The following STARD13 variants were observed in gnomAD, a reference collection of about 807,000 sequenced individuals.
STARD13 encodes the protein stAR-related lipid transfer protein 13.
In STARD13, 62 loss-of-function variants were observed where a neutral mutation model predicts 106.4. The ratio of observed to expected loss-of-function variants is 0.58; its 90% confidence interval spans 0.48 to 0.72. The LOEUF is 0.72. Ranked by LOEUF, STARD13 falls within the 30% of genes least tolerant of loss-of-function variation. The pLI, the probability that STARD13 is intolerant of heterozygous loss-of-function variation, is 0.00. For missense variants in STARD13, 1,387 were observed against 1,424.0 expected (o/e 0.97, Z 0.42); for synonymous variants, 565 against 553.0 (o/e 1.02, Z -0.31).
the STARD13 span, among the ~76,000 whole-genome samples, chr13:33,379,333 A>C: frequency 2.0e-5 from 3 of 152,318 alleles, no homozygotes; most frequent in East Asian, 5.8e-4. Flanking sequence ...ACATTTGCAG[A>C]ATTTTTCATA....
At chr13:33,254,640 A>G (rs957042272) in intron 1 of STARD13, among the ~76,000 whole-genome samples, 21 of 152,144 alleles carry the variant, frequency 1.4e-4, no homozygotes, top group African/African-American at 4.8e-4. Flanking sequence ...CCCGAAACCC[A>G]GGCTCCAGAA....
At chr13:33,529,146 G>A in the STARD13 span, among the ~76,000 whole-genome samples, 1 of 151,928 alleles carries the variant, frequency 6.6e-6, no homozygotes. Context: ...ATTGAATACT[G>A]CAAAAAAAAG....
At chr13:33,492,110 G>C in the STARD13 span, among the ~76,000 whole-genome samples, 1 of 152,080 alleles carries the variant, frequency 6.6e-6, no homozygotes, top group Non-Finnish European at 1.5e-5. Context: ...GGCAGGAGAA[G>C]GAATTTCACA....
intron 8 of STARD13, 46 bp from the exon 9 acceptor site, chr13:33,112,977 A>T (rs1279052026): frequency 6.7e-7 from 1 of 1,483,760 alleles, no homozygotes. Context: ...AGACATAGAA[A>T]GAGCCAGCTG....
chr13:33,595,736 A>G, the STARD13 span, among the ~76,000 whole-genome samples: 1 of 152,178 alleles, frequency 6.6e-6, no homozygotes, highest in African/African-American at 2.4e-5. Flanking sequence ...CAATTTGGAA[A>G]AGTCTTGGGT....
chr13:33,187,481 A>C (rs1006986947), intron 1 of STARD13, among the ~76,000 whole-genome samples: 10 of 152,220 alleles, frequency 6.6e-5, no homozygotes, highest in Admixed American at 6.5e-5. Context: ...CTGATTGGGC[A>C]AACCTGAGAC....
chr13:33,117,391 G>A (rs562401114), intron 8 of STARD13, among the ~76,000 whole-genome samples: 22 of 152,102 alleles, frequency 1.4e-4, no homozygotes, highest in South Asian at 8.3e-4. Context: ...GATTACAGGC[G>A]TGAGCCACCA....
the STARD13 span, among the ~76,000 whole-genome samples, chr13:33,378,873 G>T: frequency 1.3e-5 from 2 of 151,986 alleles, no homozygotes; most frequent in African/African-American, 4.8e-5. Flanking sequence ...ACTTTGGGAG[G>T]CTGAGGCAGG....
At chr13:33,403,419 A>G in the STARD13 span, among the ~76,000 whole-genome samples, 1 of 152,234 alleles carries the variant, frequency 6.6e-6, no homozygotes, top group African/African-American at 2.4e-5. Context: ...TAATTTGAGC[A>G]GAGGCCAAGG....
intron 1 of STARD13, among the ~76,000 whole-genome samples, chr13:33,269,059 T>C (rs1414939328): frequency 6.6e-6 from 1 of 152,170 alleles, no homozygotes; most frequent in Non-Finnish European, 1.5e-5. Flanking sequence ...AAGCGCTTTC[T>C]TTCCTCATTC....
At chr13:33,638,408 G>A in the STARD13 span, among the ~76,000 whole-genome samples, 957 of 152,218 alleles carry the variant, frequency 6.3e-3, 12 homozygotes, top group African/African-American at 0.022. Flanking sequence ...CAGAAAAGCA[G>A]GACACCTGGA....
At chr13:33,453,686 AACAACATTTTTAG>A in the STARD13 span, among the ~76,000 whole-genome samples, 54 of 152,356 alleles carry the variant, frequency 3.5e-4, no homozygotes, top group African/African-American at 9.6e-4. Context: ...AACATAGTTT[AACAACATTTTTAG>A]ACAAAACACA....
chr13:33,370,369 ACT>A, the STARD13 span, among the ~76,000 whole-genome samples: 1 of 151,890 alleles, frequency 6.6e-6, no homozygotes, highest in African/African-American at 2.4e-5. Flanking sequence ...TACATCTCTC[ACT>A]CTCAGCAGGG....
chr13:33,563,534 A>G, the STARD13 span, among the ~76,000 whole-genome samples: 13 of 147,568 alleles, frequency 8.8e-5, 2 homozygotes, highest in African/African-American at 3.3e-4. Flanking sequence ...TACACAAAAT[A>G]ATGAAACTAG....
the STARD13 span, among the ~76,000 whole-genome samples, chr13:33,634,721 GCA>G: frequency 1.2e-4 from 18 of 147,564 alleles, no homozygotes; most frequent in Admixed American, 3.3e-4. Flanking sequence ...ACACACACAT[GCA>G]CACACACACA....
chr13:33,557,710 T>C, the STARD13 span, among the ~76,000 whole-genome samples: 1 of 152,194 alleles, frequency 6.6e-6, no homozygotes, highest in Admixed American at 6.5e-5. Flanking sequence ...GTGAGACCTT[T>C]GTAGAAATGA....
the STARD13 span, among the ~76,000 whole-genome samples, chr13:33,365,583 G>A: frequency 6.6e-6 from 1 of 152,144 alleles, no homozygotes; most frequent in African/African-American, 2.4e-5. Flanking sequence ...GTGAACACAA[G>A]ATTATCTAGA....
intron 3 of STARD13, among the ~76,000 whole-genome samples, chr13:33,158,950 C>T (rs1288742087): frequency 6.6e-6 from 1 of 152,232 alleles, no homozygotes; most frequent in Non-Finnish European, 1.5e-5. Context: ...GTTCTACACA[C>T]AGCTCCTACG....
At chr13:33,524,113 G>T in the STARD13 span, 1 of 384,744 alleles carries the variant, frequency 2.6e-6, no homozygotes, top group Non-Finnish European at 3.7e-6. Flanking sequence ...TGTTAAGTTT[G>T]AAAAAACAAA....
Sources: allele counts gnomAD v4.1 joint callset (sites outside exome capture counted in the v4.1 genomes callset), GRCh38; gene constraint gnomAD v4.1.1; transcripts MANE v1.5; gene names NCBI Gene and HGNC (gene_info 2026-07-23, HGNC 2026-07-21).